Variants in SLC9A9 observed in about 807,000 individuals in gnomAD.
The protein encoded by SLC9A9 is solute carrier family 9 member A9.
Under a neutral mutation model 77.8 loss-of-function variants are expected in SLC9A9, and 62 were observed. The observed-to-expected ratio is 0.80, with a 90% CI of 0.65 to 0.98. SLC9A9 has a LOEUF of 0.98. Ranked by LOEUF, SLC9A9 falls within the 50% of genes least tolerant of loss-of-function variation. The pLI is 0.00. For missense variants in SLC9A9, 775 were observed against 774.9 expected (o/e 1.00, Z 0.00); for synonymous variants, 320 against 283.5 (o/e 1.13, Z -1.29).
At chr3:143,659,125 T>C (rs2038940785) in intron 5 of SLC9A9, among the ~76,000 whole-genome samples, 1 of 152,140 alleles carries the variant, frequency 6.6e-6, no homozygotes, top group East Asian at 1.9e-4. Flanking sequence ...ATTTTCCAAT[T>C]AGGATTTTCA....
intron 7 of SLC9A9, among the ~76,000 whole-genome samples, chr3:143,576,310 A>C (rs2037358108): frequency 6.6e-6 from 1 of 152,176 alleles, no homozygotes; most frequent in African/African-American, 2.4e-5. Flanking sequence ...TCCATGCAAA[A>C]CACTTAGGGC....
intron 5 of SLC9A9, among the ~76,000 whole-genome samples, chr3:143,681,800 G>A (rs1378764748): frequency 1.3e-5 from 2 of 152,176 alleles, no homozygotes; most frequent in African/African-American, 2.4e-5. Context: ...ACTACCTTCT[G>A]TGATAGCAGT....
intron 12 of SLC9A9, among the ~76,000 whole-genome samples, chr3:143,457,004 T>C (rs2035105974): frequency 6.6e-6 from 1 of 152,140 alleles, no homozygotes; most frequent in African/African-American, 2.4e-5. Context: ...AGTATTCCCT[T>C]ATCATCAGTT....
At chr3:143,461,383 T>A (rs1328401811) in intron 12 of SLC9A9, among the ~76,000 whole-genome samples, 1 of 152,170 alleles carries the variant, frequency 6.6e-6, no homozygotes, top group Non-Finnish European at 1.5e-5. Flanking sequence ...TAAATATAAT[T>A]AATTAATAAT....
intron 14 of SLC9A9, among the ~76,000 whole-genome samples, chr3:143,305,494 T>C (rs1357300892): frequency 1.3e-5 from 2 of 152,230 alleles, no homozygotes; most frequent in South Asian, 2.1e-4. Flanking sequence ...ACTAGGTCTC[T>C]CTGACCTTAA....
At chr3:143,596,100 G>A (rs75525122) in intron 6 of SLC9A9, among the ~76,000 whole-genome samples, 274 of 152,272 alleles carry the variant, frequency 1.8e-3, no homozygotes, top group African/African-American at 6.3e-3. Flanking sequence ...TGAGTGATGA[G>A]AGGGAAACAA....
intron 14 of SLC9A9, among the ~76,000 whole-genome samples, chr3:143,357,624 C>A (rs1342488184): frequency 6.6e-6 from 1 of 152,152 alleles, no homozygotes; most frequent in Non-Finnish European, 1.5e-5. Context: ...GATGGGCCAC[C>A]TGAACTGGGG....
chr3:143,365,890 G>A (rs2032887258), intron 13 of SLC9A9, among the ~76,000 whole-genome samples: 1 of 152,132 alleles, frequency 6.6e-6, no homozygotes, highest in Admixed American at 6.5e-5. Context: ...AGCTAAACTA[G>A]TTATGAAAAG....
intron 6 of SLC9A9, among the ~76,000 whole-genome samples, chr3:143,581,669 T>C (rs144536426): frequency 6.6e-6 from 1 of 152,312 alleles, no homozygotes; most frequent in African/African-American, 2.4e-5. Flanking sequence ...GATCATGTTG[T>C]GGGGAAACAT....
At chr3:143,298,345 T>C (rs986376) in intron 14 of SLC9A9, among the ~76,000 whole-genome samples, 98,080 of 152,038 alleles carry the variant, frequency 0.65, 32,110 homozygotes, top group Middle Eastern at 0.71. Flanking sequence ...CTGCCTATGA[T>C]TGAGTGAGCC....
chr3:143,507,236 C>T (rs2036038064), intron 9 of SLC9A9, among the ~76,000 whole-genome samples: 1 of 151,558 alleles, frequency 6.6e-6, no homozygotes, highest in Non-Finnish European at 1.5e-5. Flanking sequence ...GAGATGGAGT[C>T]TCACTCTGTC....
chr3:143,592,526 A>G (rs1301451513), intron 6 of SLC9A9, among the ~76,000 whole-genome samples: 1 of 152,230 alleles, frequency 6.6e-6, no homozygotes, highest in African/African-American at 2.4e-5. Context: ...TGAGAACACA[A>G]TTAAATTAAT....
At chr3:143,583,063 C>T (rs1023294367) in intron 6 of SLC9A9, among the ~76,000 whole-genome samples, 6 of 151,976 alleles carry the variant, frequency 3.9e-5, no homozygotes, top group African/African-American at 9.7e-5. Context: ...TGAGGTGGGA[C>T]GGTTGCTTGA....
chr3:143,638,592 C>T (rs967388958), intron 6 of SLC9A9, among the ~76,000 whole-genome samples: 8 of 152,224 alleles, frequency 5.3e-5, no homozygotes, highest in African/African-American at 1.7e-4. Context: ...TTTGAGGACC[C>T]CTGGGGCAGG....
chr3:143,308,239 A>G (rs1013999133), intron 14 of SLC9A9, among the ~76,000 whole-genome samples: 1 of 152,172 alleles, frequency 6.6e-6, no homozygotes, highest in African/African-American at 2.4e-5. Context: ...TACATAATTT[A>G]TAGGGGTCAG....
intron 9 of SLC9A9, among the ~76,000 whole-genome samples, chr3:143,524,550 T>C (rs2036371198): frequency 6.6e-6 from 1 of 152,214 alleles, no homozygotes; most frequent in South Asian, 2.1e-4. Flanking sequence ...AATCAGCTTA[T>C]GCATATTTTT....
At position 143,636,558 on chromosome 3, in the gene SLC9A9, T is replaced by A. The variant is rs536044021; in HGVS notation, c.755+15697A>T. On this transcript the variant is annotated intron_variant, in intron 6 of 15. Coordinates refer to ENST00000316549, the MANE Select transcript of SLC9A9 (RefSeq NM_173653.4). ...ATAGCTGTGAAGCCTGGGCTTTTAG[T>A]GTATCCATCACCCAAATGGTGAACA... Among the ~76,000 whole-genome samples the A allele has an allele frequency of 2.6e-5, 4 of 152,340 alleles. No homozygotes were observed. The South Asian group carries it at 8.3e-4, about 32-fold the overall frequency.
chr3:143,543,795 T>A (rs62269776), intron 9 of SLC9A9, among the ~76,000 whole-genome samples: 31,705 of 149,454 alleles, frequency 0.21, 4,076 homozygotes, highest in African/African-American at 0.22. Flanking sequence ...CCACTGTTGA[T>A]GGACACCTAG....
At chr3:143,684,982 A>T (rs1260627124) in intron 5 of SLC9A9, among the ~76,000 whole-genome samples, 1 of 152,110 alleles carries the variant, frequency 6.6e-6, no homozygotes, top group South Asian at 2.1e-4. Flanking sequence ...TTAATACTCA[A>T]TTTTAAATTA....
Sources: gnomAD v4.1 joint callset for allele counts (sites outside exome capture counted in the v4.1 genomes callset) on GRCh38, gnomAD v4.1.1 for gene constraint, MANE v1.5 for transcripts, NCBI Gene and HGNC (gene_info 2026-07-23, HGNC 2026-07-21) for gene names.